The following MAN2B2 variants were observed in gnomAD, a reference collection of about 807,000 sequenced individuals.
MAN2B2 encodes the protein epididymis-specific alpha-mannosidase.
A neutral mutation model predicts 117.1 loss-of-function variants in MAN2B2; 106 were observed. The ratio of observed to expected loss-of-function variants is 0.90; its 90% CI spans 0.77 to 1.06. The LOEUF is 1.06. MAN2B2 is among the 50% of genes least tolerant of loss of function. MAN2B2 has a pLI of 0.00. For synonymous variants in MAN2B2, 544 were observed against 595.1 expected, an observed-to-expected ratio of 0.91 and a Z score of 1.25; for missense variants, 1,326 against 1,381.4, an observed-to-expected ratio of 0.96 and a Z score of 0.64.
At chr4:6,605,017 G>A (rs1727479309) in intron 10 of MAN2B2, 38 bp from the exon 11 acceptor site, 1 of 1,590,790 alleles carries the variant, frequency 6.3e-7, no homozygotes, top group Non-Finnish European at 8.6e-7. Flanking sequence ...AAGTGTGAGA[G>A]CTGACAGTTA....
chr4:6,620,268 C>G, intron 18 of MAN2B2: 1 of 498,820 alleles, frequency 2.0e-6, no homozygotes. Context: ...CGTGTGTGTG[C>G]ACTTGTACGT....
chr4:6,579,116 A>T (rs1726224440), intron 3 of MAN2B2, among the ~76,000 whole-genome samples: 2 of 73,770 alleles, frequency 2.7e-5, no homozygotes, highest in Non-Finnish European at 5.9e-5. Flanking sequence ...CACCATCACC[A>T]TCACCACTAC....
At chr4:6,579,264 ACC>A in intron 3 of MAN2B2, among the ~76,000 whole-genome samples, 1 of 115,584 alleles carries the variant, frequency 8.7e-6, no homozygotes, top group Non-Finnish European at 1.8e-5. Context: ...CATCACCACC[ACC>A]ACCATCACCA....
chr4:6,611,368 A>G, intron 15 of MAN2B2, 90 bp downstream of exon 15: 3 of 1,358,912 alleles, frequency 2.2e-6, no homozygotes, highest in Non-Finnish European at 3.0e-6. Context: ...TGCCCTCATG[A>G]CTCTGGGCAG....
chr4:6,600,784 G>A, intron 10 of MAN2B2, 28 bp downstream of exon 10: 1 of 1,611,198 alleles, frequency 6.2e-7, no homozygotes, highest in Non-Finnish European at 8.5e-7. Flanking sequence ...TGCTGGAGGG[G>A]CCTTAGCTGC....
chr4:6,611,631 G>C (rs1711563046), intron 15 of MAN2B2, among the ~76,000 whole-genome samples: 1 of 152,070 alleles, frequency 6.6e-6, no homozygotes, highest in Non-Finnish European at 1.5e-5. Context: ...TTAAAAGACT[G>C]GTTTGTTAGC....
At position 6,609,302 on chromosome 4, in the gene MAN2B2, C is replaced by T; in HGVS notation, c.2006+4C>T. On this transcript the variant is annotated splice_donor_region_variant and intron_variant, in intron 12 of 18. Transcript: ENST00000285599. ...AGATCCGGCAGTACTTCTACAGGTGCTTCCCCTGGGGTGACCCCCACAGCC... is the reference window on the plus strand; with the variant it reads ...AGATCCGGCAGTACTTCTACAGGTGTTTCCCCTGGGGTGACCCCCACAGCC... 3 of 1,612,870 alleles carry T rather than the reference C, an allele frequency of 1.9e-6. No individual in the cohort carries two copies. Among genetic ancestry groups the T allele is most frequent in the Non-Finnish European group, 2.5e-6 (3 of 1,179,428 alleles).
chr4:6,610,141 G>A lies in MAN2B2; in HGVS notation c.2259+91G>A. The stretch of plus-strand genomic sequence containing the variant: ...AATTGCAGCAGTAGAGGCCAGTAGA[G>A]GCCTCCAGTGAGAATGTTTTTTTCC... On this transcript the variant is annotated intron_variant, in intron 13 of 18. Coordinates refer to ENST00000285599, the MANE Select transcript of MAN2B2 (RefSeq NM_015274.3). 9 of 1,515,958 alleles carry A rather than the reference G, an allele frequency of 5.9e-6. 1 individual carries two copies. The South Asian group carries it at 1.0e-4, about 17-fold the overall frequency. 93.9% of individuals were successfully genotyped at this position (1,515,958 alleles called of 1,614,324 possible). A position where few individuals can be genotyped will look rare whatever the true frequency, so the allele number is the denominator to read the frequency against.
rs189883691 is a variant in MAN2B2, at chr4:6,582,635, C to T, written c.391+4137C>T. Among the ~76,000 whole-genome samples, 17 of 152,156 alleles carry T rather than the reference C, an allele frequency of 1.1e-4. No homozygotes were observed. In the South Asian group the frequency reaches 1.9e-3, roughly 17 times the overall value. On this transcript the variant is annotated intron_variant, in intron 3 of 18. Coordinates refer to ENST00000285599, the MANE Select transcript of MAN2B2 (RefSeq NM_015274.3). ...GATTACAGACCTGAGCCACCAAGCC[C>T]GGCCCCCAGCAGTATTGAAAACACA...
At chr4:6,614,166 A>G (rs1711734992) in intron 15 of MAN2B2, 52 bp from the exon 16 acceptor site, 1 of 1,592,214 alleles carries the variant, frequency 6.3e-7, no homozygotes, top group Non-Finnish European at 8.6e-7. Flanking sequence ...GAGTGCCAGG[A>G]GGAGGAGTTG....
chr4:6,596,241 G>A (rs1335152023), intron 7 of MAN2B2, among the ~76,000 whole-genome samples: 1 of 152,066 alleles, frequency 6.6e-6, no homozygotes, highest in South Asian at 2.1e-4. Flanking sequence ...GACCACTGAG[G>A]ATGTGGAGCC....
intron 10 of MAN2B2, among the ~76,000 whole-genome samples, chr4:6,602,392 G>A (rs901535380): frequency 2.0e-5 from 3 of 152,176 alleles, no homozygotes; most frequent in Non-Finnish European, 4.4e-5. Flanking sequence ...ATCTTCCTGT[G>A]TGTCCTCACA....
chr4:6,601,400 T>A (rs944576399), intron 10 of MAN2B2, among the ~76,000 whole-genome samples: 1 of 151,294 alleles, frequency 6.6e-6, no homozygotes, highest in Non-Finnish European at 1.5e-5. Flanking sequence ...ATTGGGAGGC[T>A]GAGGCAGGAG....
Position 6,622,541 on chromosome 4 carries a change from C to G in MAN2B2, c.*1256C>G, listed in dbSNP as rs1380798889. Reference sequence around the variant, plus strand: ...GCGACCTGCACCTCCTGGGTTCAAGCAATTCTCCAGCCTCTGCCTCCCGAG... The same window carrying G: ...GCGACCTGCACCTCCTGGGTTCAAGGAATTCTCCAGCCTCTGCCTCCCGAG... On this transcript the variant is annotated 3_prime_UTR_variant, in exon 19 of 19. Coordinates refer to ENST00000285599, the MANE Select transcript of MAN2B2 (RefSeq NM_015274.3). The G allele has an allele frequency of 2.6e-5, 4 of 151,756 alleles. No homozygotes were observed. The highest frequency in any genetic ancestry group is 9.7e-5 in the African/African-American group (4 of 41,308). The allele number at this position is 151,756 out of a possible 1,614,324, so 9.4% of individuals were successfully genotyped here.
At chr4:6,581,791 G>A (rs190445181) in intron 3 of MAN2B2, among the ~76,000 whole-genome samples, 1 of 151,442 alleles carries the variant, frequency 6.6e-6, no homozygotes, top group Non-Finnish European at 1.5e-5. Flanking sequence ...CCAGGGCCTG[G>A]GGCACTGGGC....
intron 8 of MAN2B2, 131 bp from the exon 9 acceptor site, chr4:6,598,067 C>A: frequency 1.1e-6 from 1 of 944,994 alleles, no homozygotes; most frequent in Non-Finnish European, 1.6e-6. Context: ...TGTAAAATGG[C>A]GGGGACTGCC....
rs569495583 is a variant in MAN2B2 at position 6,598,989 on chromosome 4, C to A, written c.1405+635C>A. ...TGAGGGGTTTCCAAACTGGGAAGAT[C>A]CTGGACAAATGAAGACAGGTTGGCG... On this transcript the variant is annotated intron_variant, in intron 9 of 18. Transcript: ENST00000285599. Among the ~76,000 whole-genome samples the A allele has an allele frequency of 3.9e-5, 6 of 152,364 alleles. No homozygotes were observed. In the South Asian group the frequency reaches 1.2e-3, roughly 32 times the overall value.
intron 15 of MAN2B2, 96 bp downstream of exon 15, chr4:6,611,374 G>A: frequency 7.5e-7 from 1 of 1,331,108 alleles, no homozygotes; most frequent in Admixed American, 2.8e-5. Flanking sequence ...CATGACTCTG[G>A]GCAGCTTTTG....
chr4:6,609,828 A>C lies in MAN2B2; in HGVS notation c.2037A>C (p.Ala679=), dbSNP rs534155470. ...RNMTAQNYTY[A]IRSRLTHVPQ... ...TGACAGCACAGAATTACACGTATGC[A>C]ATCCGCTCCCGGCTCACCCATGTGC... The change falls in exon 13 of 19, where the codon GCA becomes GCC. Residue 679 remains alanine, a synonymous_variant. Transcript: ENST00000285599. The C allele has an allele frequency of 1.2e-6, 2 of 1,614,022 alleles. No individual in the cohort carries two copies. Among genetic ancestry groups the C allele is most frequent in the East Asian group, 2.2e-5 (1 of 44,880 alleles).
Sources: gnomAD v4.1 joint callset for allele counts (sites outside exome capture counted in the v4.1 genomes callset) on GRCh38, gnomAD v4.1.1 for gene constraint, MANE v1.5 for transcripts, NCBI Gene and HGNC (gene_info 2026-07-23, HGNC 2026-07-21) for gene names.